The following MCPH1 variants were observed in gnomAD, a reference collection of about 807,000 sequenced individuals.
MCPH1 encodes microcephalin.
MCPH1 carries 104 observed loss-of-function variants against 84.5 expected under a neutral mutation model. That is an observed-to-expected ratio of 1.23 (90% confidence interval 1.05 to 1.45). The LOEUF is 1.45. MCPH1 is among the 40% of genes most tolerant of loss of function. MCPH1 has a pLI of 0.00. For missense variants in MCPH1, 1,498 were observed against 1,005.7 expected (o/e 1.49, Z -6.62); for synonymous variants, 514 against 366.8 (o/e 1.40, Z -4.58).
intron 12 of MCPH1, chr8:6,519,917 T>C (rs1816991832): frequency 3.7e-6 from 6 of 1,613,554 alleles, no homozygotes; most frequent in Middle Eastern, 1.7e-4. Context: ...CCATTCGTGG[T>C]GTGTCCTGAT....
At position 6,466,729 on chromosome 8, in the gene MCPH1, G is replaced by A. The variant is rs535480125; in HGVS notation, c.1936-10865G>A. On this transcript the variant is annotated intron_variant, in intron 9 of 13. Coordinates refer to ENST00000344683, the MANE Select transcript of MCPH1 (RefSeq NM_024596.5). ...GCTGGGATTACAGGCGGCAGCCACC[G>A]CGCCTGGCCTAATTTTTGTACTTTT... Among the ~76,000 whole-genome samples, 158 of 152,048 alleles carry A rather than the reference G, an allele frequency of 1.0e-3. 1 individual carries two copies. In the South Asian group the frequency reaches 0.031, roughly 30 times the overall value.
At position 6,643,340 on chromosome 8, in the gene MCPH1, C is replaced by A. The variant is rs555798382; in HGVS notation, c.*291C>A. Reference sequence around the variant, plus strand: ...AGTGCAATGGCACAATCTCGGCTCACTGCAACCTCCACCTCCCAGGTTCAA... The same window carrying A: ...AGTGCAATGGCACAATCTCGGCTCAATGCAACCTCCACCTCCCAGGTTCAA... On this transcript the variant is annotated 3_prime_UTR_variant, in exon 14 of 14. Transcript: ENST00000344683. 1.5e-4 allele frequency: 61 copies of A among 413,058 alleles called. No homozygotes were observed. Among genetic ancestry groups the A allele is most frequent in the African/African-American group, 1.2e-3 (57 of 49,428 alleles). The allele number at this position is 413,058 out of a possible 1,614,324, so 25.6% of individuals were successfully genotyped here.
chr8:6,492,735 ATAT>A (rs3045027), intron 11 of MCPH1, among the ~76,000 whole-genome samples: 89,810 of 147,358 alleles, frequency 0.61, 29,713 homozygotes, highest in East Asian at 0.78. Flanking sequence ...TATCAAATAA[ATAT>A]TAATAATAAT....
chr8:6,417,925 A>G (rs1057283088), intron 3 of MCPH1, among the ~76,000 whole-genome samples: 2 of 152,198 alleles, frequency 1.3e-5, no homozygotes, highest in African/African-American at 2.4e-5. Flanking sequence ...ATTGTCGCAA[A>G]GAGCATGAGG....
chr8:6,505,329 A>G (rs1813238571), intron 12 of MCPH1, among the ~76,000 whole-genome samples: 9 of 56,262 alleles, frequency 1.6e-4, no homozygotes, highest in Admixed American at 1.7e-4. Context: ...TGTTATATAC[A>G]TATAGAAAGA....
At chr8:6,568,401 A>C (rs1295513582) in intron 12 of MCPH1, among the ~76,000 whole-genome samples, 1 of 152,218 alleles carries the variant, frequency 6.6e-6, no homozygotes, top group African/African-American at 2.4e-5. Context: ...AAACCAAAAA[A>C]GGATGCTAAG....
intron 11 of MCPH1, among the ~76,000 whole-genome samples, chr8:6,491,678 A>G (rs896283181): frequency 2.0e-5 from 3 of 151,068 alleles, no homozygotes; most frequent in African/African-American, 4.9e-5. Context: ...TCCTGTGTCC[A>G]TGTCTTCTCA....
chr8:6,597,326 T>C (rs1829004524), intron 12 of MCPH1, among the ~76,000 whole-genome samples: 1 of 152,156 alleles, frequency 6.6e-6, no homozygotes, highest in South Asian at 2.1e-4. Flanking sequence ...TTTCCCACCA[T>C]TGTCTTATTT....
Position 6,443,554 on chromosome 8 carries a change from C to G in MCPH1, c.671-839C>G, listed in dbSNP as rs188608783. ...GGCCCTCCACCAGCAAGTGCTGAGC[C>G]CCTATTGAGGGAGCCAGCACGGGAC... On this transcript the variant is annotated intron_variant, in intron 7 of 13. Coordinates refer to ENST00000344683, the MANE Select transcript of MCPH1 (RefSeq NM_024596.5). Among the ~76,000 whole-genome samples, 1,172 of 152,300 alleles carry G rather than the reference C, an allele frequency of 7.7e-3. 18 individuals carry two copies. Among genetic ancestry groups the G allele is most frequent in the African/African-American group, 0.026 (1,096 of 41,562 alleles).
intron 3 of MCPH1, among the ~76,000 whole-genome samples, chr8:6,424,061 G>T (rs1213113089): frequency 6.6e-6 from 1 of 152,108 alleles, no homozygotes; most frequent in Non-Finnish European, 1.5e-5. Context: ...CTGAAAATGT[G>T]AACATTAACT....
intron 12 of MCPH1, among the ~76,000 whole-genome samples, chr8:6,611,118 T>TCACACACA (rs914380537): frequency 1.4e-5 from 2 of 139,324 alleles, no homozygotes; most frequent in African/African-American, 6.1e-5. Context: ...ACACACTCTC[T>TCACACACA]CACACACACA....
At chr8:6,421,636 C>A (rs921732558) in intron 3 of MCPH1, among the ~76,000 whole-genome samples, 2 of 152,138 alleles carry the variant, frequency 1.3e-5, no homozygotes, top group Non-Finnish European at 2.9e-5. Context: ...TATTGGAACA[C>A]AGGCATGTTC....
intron 12 of MCPH1, among the ~76,000 whole-genome samples, chr8:6,610,004 G>A (rs556162127): frequency 3.9e-5 from 6 of 152,240 alleles, no homozygotes; most frequent in African/African-American, 1.2e-4. Flanking sequence ...AAGCAAGGCC[G>A]ATTATATAAA....
intron 11 of MCPH1, among the ~76,000 whole-genome samples, chr8:6,488,291 A>G (rs1271212239): frequency 1.3e-5 from 2 of 152,258 alleles, no homozygotes; most frequent in Non-Finnish European, 2.9e-5. Context: ...TCCCAGGACC[A>G]TAATCTGCTG....
intron 9 of MCPH1, among the ~76,000 whole-genome samples, chr8:6,465,203 G>A (rs1396129607): frequency 1.3e-5 from 2 of 152,090 alleles, no homozygotes; most frequent in African/African-American, 4.8e-5. Flanking sequence ...TGAGATATTC[G>A]GAAACTCAAT....
intron 9 of MCPH1, among the ~76,000 whole-genome samples, chr8:6,469,408 A>G (rs1385368163): frequency 6.6e-6 from 1 of 152,208 alleles, no homozygotes; most frequent in East Asian, 1.9e-4. Flanking sequence ...GCTGCCAGGG[A>G]TCTAGGTCAT....
intron 12 of MCPH1, among the ~76,000 whole-genome samples, chr8:6,525,216 A>C (rs1405876030): frequency 1.3e-5 from 2 of 152,210 alleles, no homozygotes; most frequent in African/African-American, 4.8e-5. Context: ...TTAGATATTC[A>C]ATTGTAGCTC....
intron 12 of MCPH1, among the ~76,000 whole-genome samples, chr8:6,617,945 T>TCTATCTATCTATCTATCTTTCTA (rs1563197129): frequency 3.5e-5 from 1 of 28,818 alleles, no homozygotes; most frequent in Non-Finnish European, 8.3e-5. Context: ...CTATCTATCT[T>TCTATCTATCTATCTATCTTTCTA]TCTATCTATC....
rs570766514 is a variant in MCPH1 at position 6,500,876 on chromosome 8, C to G, written c.2214+947C>G. Reference sequence around the variant, plus strand: ...GATTTGTCCTTGAATTTTTTATCACCTGCCTACAAAGAGAATTGATATAAA... The same window carrying G: ...GATTTGTCCTTGAATTTTTTATCACGTGCCTACAAAGAGAATTGATATAAA... On this transcript the variant is annotated intron_variant, in intron 12 of 13. Transcript: ENST00000344683. 4.6e-5 allele frequency: 7 copies of G among 152,278 alleles called. 1 individual carries two copies. Among genetic ancestry groups the G allele is most frequent in the Admixed American group, 1.3e-4 (2 of 15,294 alleles). 9.4% of individuals were successfully genotyped at this position (152,278 alleles called of 1,614,324 possible).
Sources: gnomAD v4.1 joint callset for allele counts (sites outside exome capture counted in the v4.1 genomes callset) on GRCh38, gnomAD v4.1.1 for gene constraint, MANE v1.5 for transcripts, NCBI Gene and HGNC (gene_info 2026-07-23, HGNC 2026-07-21) for gene names.